The following CPVL variants were observed in gnomAD, a reference collection of about 807,000 sequenced individuals.
CPVL encodes the protein probable serine carboxypeptidase CPVL.
CPVL carries 51 observed loss-of-function variants against 63.7 expected under a neutral mutation model. The observed-to-expected ratio is 0.80, with a 90% CI of 0.64 to 1.01. The LOEUF (loss-of-function observed/expected upper bound fraction) is 1.01, where lower values mean the gene tolerates loss of function less well. CPVL is among the 50% of genes least tolerant of loss of function. The pLI is 0.00. For missense variants in CPVL, 530 were observed against 573.1 expected (o/e 0.92, Z 0.77); for synonymous variants, 195 against 206.0 (o/e 0.95, Z 0.46).
chr7:28,997,000 G>C (rs980159822), intron 12 of CPVL, among the ~76,000 whole-genome samples: 1 of 152,208 alleles, frequency 6.6e-6, no homozygotes, highest in Non-Finnish European at 1.5e-5. Context: ...CTTGTTGGGT[G>C]ATATAAAGCA....
intron 11 of CPVL, among the ~76,000 whole-genome samples, chr7:29,062,918 G>C (rs888548191): frequency 2.6e-5 from 4 of 152,172 alleles, no homozygotes; most frequent in African/African-American, 9.7e-5. Flanking sequence ...GGAGGAAGTG[G>C]ATCACTCAGT....
intron 1 of CPVL, among the ~76,000 whole-genome samples, chr7:29,135,217 T>C (rs1038335537): frequency 6.6e-6 from 1 of 151,410 alleles, no homozygotes; most frequent in Non-Finnish European, 1.5e-5. Context: ...AGTTCCCAGA[T>C]CAAGAAATGA....
At chr7:29,026,545 A>T (rs1787509944) in intron 12 of CPVL, among the ~76,000 whole-genome samples, 1 of 152,088 alleles carries the variant, frequency 6.6e-6, no homozygotes, top group East Asian at 1.9e-4. Flanking sequence ...CAATGAAATA[A>T]AAAAGCCTGT....
chr7:29,008,140 G>C (rs1785389375), intron 12 of CPVL, among the ~76,000 whole-genome samples: 1 of 152,186 alleles, frequency 6.6e-6, no homozygotes, highest in Non-Finnish European at 1.5e-5. Flanking sequence ...CACAAGGCAA[G>C]AGGAGGGAAT....
intron 1 of CPVL, among the ~76,000 whole-genome samples, chr7:29,125,388 CTTTTT>C (rs57975250): frequency 1.3e-5 from 1 of 74,138 alleles, no homozygotes; most frequent in African/African-American, 5.2e-5. Flanking sequence ...ACTCTCCCGT[CTTTTT>C]TTTTTTTTTT....
At chr7:29,016,654 A>G (rs1786442703) in intron 12 of CPVL, among the ~76,000 whole-genome samples, 1 of 152,174 alleles carries the variant, frequency 6.6e-6, no homozygotes, top group Admixed American at 6.5e-5. Context: ...AACCCAGGTC[A>G]AGGTCAAGGT....
At chr7:29,146,649 G>A (rs1254391966), upstream of CPVL, 3 of 1,550,472 alleles carry the variant, frequency 1.9e-6, no homozygotes, top group African/African-American at 4.1e-5. Flanking sequence ...CAGAAACCTG[G>A]CCGCATCAAG....
chr7:29,144,051 C>T (rs535093645), intron 1 of CPVL, among the ~76,000 whole-genome samples: 1 of 152,294 alleles, frequency 6.6e-6, no homozygotes, highest in African/African-American at 2.4e-5. Flanking sequence ...CAGGAAAGTA[C>T]AGTTCTTAGC....
At chr7:29,003,928 C>T (rs973878031) in intron 12 of CPVL, among the ~76,000 whole-genome samples, 2 of 152,138 alleles carry the variant, frequency 1.3e-5, no homozygotes, top group Admixed American at 6.5e-5. Flanking sequence ...GACAGTAATG[C>T]TTGCCTGCAC....
chr7:29,057,141 T>C (rs1276878227), intron 11 of CPVL, among the ~76,000 whole-genome samples: 2 of 151,950 alleles, frequency 1.3e-5, no homozygotes, highest in Admixed American at 1.3e-4. Context: ...TATTTTTATT[T>C]TGTAGAGACA....
chr7:29,062,905 T>C (rs1397739456), intron 11 of CPVL, among the ~76,000 whole-genome samples: 2 of 152,146 alleles, frequency 1.3e-5, no homozygotes, highest in Non-Finnish European at 2.9e-5. Flanking sequence ...AAACAGGATA[T>C]AGGGAGGAAG....
At chr7:29,113,097 C>A (rs1788417839) in intron 2 of CPVL, among the ~76,000 whole-genome samples, 1 of 151,442 alleles carries the variant, frequency 6.6e-6, no homozygotes, top group South Asian at 2.1e-4. Flanking sequence ...TTTTTAAGTT[C>A]TTTTAAAAAG....
intron 3 of CPVL, chr7:29,096,527 T>C (rs577636373): frequency 4.8e-6 from 2 of 420,932 alleles, no homozygotes; most frequent in Admixed American, 7.1e-5. Flanking sequence ...TCTAGCATAC[T>C]GCCTGGGGCA....
At chr7:29,064,332 A>AAG (rs1782943683) in intron 10 of CPVL, 98 bp from the exon 11 acceptor site, 1 of 625,690 alleles carries the variant, frequency 1.6e-6, no homozygotes, top group Non-Finnish European at 2.7e-6. Context: ...TACAACATGG[A>AAG]GAAACGTGAC....
chr7:28,999,672 G>A (rs949802350), intron 12 of CPVL, among the ~76,000 whole-genome samples: 2 of 152,130 alleles, frequency 1.3e-5, no homozygotes, highest in African/African-American at 4.8e-5. Context: ...TGACCTACCT[G>A]ACCCTGGTCC....
At chr7:29,069,827 T>TGTGTGTGTGTGTGTGCGCGC (rs1554335163) in intron 9 of CPVL, among the ~76,000 whole-genome samples, 13 of 135,486 alleles carry the variant, frequency 9.6e-5, no homozygotes, top group African/African-American at 3.6e-4. Flanking sequence ...TGTGTGTGTG[T>TGTGTGTGTGTGTGTGCGCGC]GCATGTAAAT....
At chr7:29,031,962 G>A (rs1387028414) in intron 11 of CPVL, among the ~76,000 whole-genome samples, 1 of 152,066 alleles carries the variant, frequency 6.6e-6, no homozygotes, top group Non-Finnish European at 1.5e-5. Context: ...TTAATATTTA[G>A]ATGGTGGAAA....
intron 1 of CPVL, among the ~76,000 whole-genome samples, chr7:29,128,765 C>T (rs1790362476): frequency 6.6e-6 from 1 of 151,728 alleles, no homozygotes; most frequent in South Asian, 2.1e-4. Flanking sequence ...CTGCTCTCTG[C>T]CAGATGGGGT....
At position 29,086,242 on chromosome 7, in the gene CPVL, A is replaced by G. The variant is rs570412955; in HGVS notation, c.609+242T>C. 3.9e-5 allele frequency among the ~76,000 whole-genome samples: 6 copies of G among 152,260 alleles called. No individual in the cohort carries two copies. In the South Asian group the frequency reaches 1.2e-3, roughly 32 times the overall value. ...AGGAGGCGCAGGTTGCAGTGAGCCGAGATCACGCCACTGCACTCCAGCCCT... is the reference window on the plus strand; with the variant it reads ...AGGAGGCGCAGGTTGCAGTGAGCCGGGATCACGCCACTGCACTCCAGCCCT... On this transcript the variant is annotated intron_variant, in intron 7 of 12. Coordinates refer to ENST00000265394, the MANE Select transcript of CPVL (RefSeq NM_031311.5).
Sources: gnomAD v4.1 joint callset for allele counts (sites outside exome capture counted in the v4.1 genomes callset) on GRCh38, gnomAD v4.1.1 for gene constraint, MANE v1.5 for transcripts, NCBI Gene and HGNC (gene_info 2026-07-23, HGNC 2026-07-21) for gene names.